The following SSPN variants were observed in gnomAD, a reference collection of about 807,000 sequenced individuals.
SSPN encodes K-ras oncogene-associated protein.
SSPN carries 15 observed loss-of-function variants against 19.1 expected under a neutral mutation model. The ratio of observed to expected loss-of-function variants is 0.78; its 90% CI spans 0.52 to 1.21. The LOEUF is 1.21. Among genes scored for constraint, SSPN ranks in the 50% most tolerant of loss-of-function variants. SSPN has a pLI of 0.00. For synonymous variants in SSPN, 147 were observed against 140.3 expected, an observed-to-expected ratio of 1.05 and a Z score of -0.34; for missense variants, 291 against 314.0, an observed-to-expected ratio of 0.93 and a Z score of 0.55.
chr12:26,213,829 A>T (rs1007882214), intron 1 of SSPN, among the ~76,000 whole-genome samples: 1 of 152,114 alleles, frequency 6.6e-6, no homozygotes, highest in Non-Finnish European at 1.5e-5. Flanking sequence ...AGCTCTTCTC[A>T]ACAGCTGACA....
intron 1 of SSPN, chr12:26,122,428 C>G: frequency 7.4e-7 from 1 of 1,350,436 alleles, no homozygotes; most frequent in Non-Finnish European, 9.6e-7. Flanking sequence ...AAGGGCTGCA[C>G]GTAGGCGGCA....
At chr12:26,133,928 A>G (rs905405250) in intron 1 of SSPN, among the ~76,000 whole-genome samples, 5 of 152,232 alleles carry the variant, frequency 3.3e-5, no homozygotes, top group African/African-American at 9.6e-5. Context: ...TCACACTTGT[A>G]TCCACTGTGT....
rs1945268748 is a variant in SSPN at position 26,234,767 on chromosome 12, A to C, written c.*3691A>C. The C allele has an allele frequency of 6.6e-6, 1 of 152,228 alleles. No individual in the cohort carries two copies. The highest frequency in any genetic ancestry group is 2.4e-5 in the African/African-American group (1 of 41,456). 9.4% of individuals were successfully genotyped at this position (152,228 alleles called of 1,614,324 possible). Reference sequence around the variant, plus strand: ...TTTCTTTATTAATAAAATTTTCATAATCTCTGAAAACACTGTTTGGACGTG... The same window carrying C: ...TTTCTTTATTAATAAAATTTTCATACTCTCTGAAAACACTGTTTGGACGTG... On this transcript the variant is annotated 3_prime_UTR_variant, in exon 3 of 3. Transcript: ENST00000242729.
intron 1 of SSPN, 121 bp downstream of exon 1, chr12:26,196,072 G>A: frequency 1.2e-6 from 1 of 864,888 alleles, no homozygotes; most frequent in Non-Finnish European, 1.6e-6. Context: ...TCTAACTCGC[G>A]CTCTGCTCGG....
intron 1 of SSPN, among the ~76,000 whole-genome samples, chr12:26,162,067 A>C (rs934688973): frequency 6.6e-5 from 10 of 152,128 alleles, no homozygotes; most frequent in Non-Finnish European, 1.2e-4. Flanking sequence ...GAAGTGAATA[A>C]ATGAATGTTT....
At position 26,137,636 on chromosome 12, in the gene SSPN, G is replaced by GTGTATATATATA. The variant is rs1555175653; in HGVS notation, c.-31+15485_-31+15486insGTATATATATAT. Among the ~76,000 whole-genome samples, 37 of 31,352 alleles carry GTGTATATATATA rather than the reference G, an allele frequency of 1.2e-3. 1 individual carries two copies. The highest frequency in any genetic ancestry group is 4.4e-3 in the African/African-American group (35 of 7,942). The allele number at this position is 31,352 out of a possible 152,430, so 20.6% of individuals were successfully genotyped here. On this transcript the variant is annotated intron_variant, in intron 1 of 2. Coordinates refer to the SSPN transcript ENST00000538142. ...CATATATATGTGTGTGTGTGTGTAT[G>GTGTATATATATA]TATATATATATATATATATATTTTT...
chr12:26,151,028 ATTC>A (rs1386546977), intron 1 of SSPN, among the ~76,000 whole-genome samples: 1 of 152,148 alleles, frequency 6.6e-6, no homozygotes, highest in Non-Finnish European at 1.5e-5. Flanking sequence ...AGATACAGAA[ATTC>A]TTCTGCATTG....
chr12:26,127,771 A>C (rs1944375129), intron 1 of SSPN, among the ~76,000 whole-genome samples: 1 of 149,374 alleles, frequency 6.7e-6, no homozygotes. Context: ...CACCCTGGTG[A>C]CTCTTCTTGG....
intron 1 of SSPN, among the ~76,000 whole-genome samples, chr12:26,201,042 T>TAAATA: frequency 2.0e-5 from 1 of 50,678 alleles, no homozygotes; most frequent in African/African-American, 1.2e-4. Context: ...TATATATATA[T>TAAATA]ATATTATATA....
At position 26,220,536 on chromosome 12, in the gene SSPN, T is replaced by G. The variant is rs566632259; in HGVS notation, c.280-3757T>G. 2.0e-5 allele frequency among the ~76,000 whole-genome samples: 3 copies of G among 152,338 alleles called. No homozygotes were observed. In the South Asian group the frequency reaches 6.2e-4, roughly 32 times the overall value. On this transcript the variant is annotated intron_variant, in intron 1 of 2. Transcript: ENST00000242729. The stretch of plus-strand genomic sequence containing the variant: ...GATTCTTCATAACTGGGTAACTAAC[T>G]AACATAACTGGGCCCTTTTCTGTTT...
intron 2 of SSPN, among the ~76,000 whole-genome samples, chr12:26,226,786 G>A (rs1460675669): frequency 1.3e-5 from 2 of 152,140 alleles, no homozygotes; most frequent in Non-Finnish European, 2.9e-5. Context: ...GGAGGCCCCT[G>A]GGCTGCTTGC....
intron 1 of SSPN, among the ~76,000 whole-genome samples, chr12:26,175,969 C>T (rs1052788938): frequency 1.3e-5 from 2 of 151,582 alleles, no homozygotes; most frequent in Non-Finnish European, 1.5e-5. Flanking sequence ...CCCATGTAGC[C>T]GATATTACAG....
intron 1 of SSPN, among the ~76,000 whole-genome samples, chr12:26,200,612 A>C (rs1477167354): frequency 6.6e-6 from 1 of 152,192 alleles, no homozygotes; most frequent in Non-Finnish European, 1.5e-5. Context: ...GGAAGAGAGA[A>C]AGGTTTGGCA....
At chr12:26,124,014 G>A (rs1591839572) in intron 1 of SSPN, 2 of 1,149,510 alleles carry the variant, frequency 1.7e-6, no homozygotes, top group African/African-American at 3.0e-5. Flanking sequence ...TCTGGGAGTC[G>A]CACCAGACTA....
chr12:26,197,914 G>T (rs933924161), intron 1 of SSPN, among the ~76,000 whole-genome samples: 1 of 152,162 alleles, frequency 6.6e-6, no homozygotes, highest in Non-Finnish European at 1.5e-5. Flanking sequence ...AGTGAGGAGG[G>T]TCTCTGAGGA....
chr12:26,215,862 T>C (rs953331094), intron 1 of SSPN, among the ~76,000 whole-genome samples: 12 of 152,208 alleles, frequency 7.9e-5, no homozygotes, highest in African/African-American at 2.9e-4. Flanking sequence ...TTTGAAGGAC[T>C]CCTATGATAG....
At position 26,124,923 on chromosome 12, in the gene SSPN, T is replaced by C. The variant is rs141784967; in HGVS notation, c.-31+2771T>C. The C allele has an allele frequency of 8.3e-4, 699 of 846,946 alleles. 3 individuals carry two copies. In the African/African-American group the frequency reaches 0.011, roughly 13 times the overall value. The allele number at this position is 846,946 out of a possible 1,614,324, so 52.5% of individuals were successfully genotyped here. Reference sequence around the variant, plus strand: ...TCCCTCTTCAGTGCAGTGTTGAAAGTGTGAAGCAGTTGGTCCCCCCCCTCC... The same window carrying C: ...TCCCTCTTCAGTGCAGTGTTGAAAGCGTGAAGCAGTTGGTCCCCCCCCTCC... On this transcript the variant is annotated intron_variant, in intron 1 of 2. Coordinates refer to the SSPN transcript ENST00000538142.
intron 1 of SSPN, chr12:26,181,026 G>GA (rs1379040154): frequency 1.3e-5 from 2 of 152,246 alleles, no homozygotes; most frequent in Non-Finnish European, 2.9e-5. Flanking sequence ...CTCCAGGGAA[G>GA]ACAGTGTTAG....
At chr12:26,130,369 A>T (rs911700133) in intron 1 of SSPN, among the ~76,000 whole-genome samples, 1 of 152,200 alleles carries the variant, frequency 6.6e-6, no homozygotes, top group African/African-American at 2.4e-5. Flanking sequence ...CAATTGTCAG[A>T]TGGTGTCCTC....
Sources: allele counts gnomAD v4.1 joint callset (sites outside exome capture counted in the v4.1 genomes callset), GRCh38; gene constraint gnomAD v4.1.1; transcripts MANE v1.5; gene names NCBI Gene and HGNC (gene_info 2026-07-23, HGNC 2026-07-21).